The following LPP variants were observed in gnomAD, a reference collection of about 807,000 sequenced individuals.
LPP encodes lipoma-preferred partner.
In LPP, 38 loss-of-function variants were observed where a neutral mutation model predicts 60.4. The observed-to-expected ratio is 0.63, with a 90% CI of 0.49 to 0.83. The LOEUF (loss-of-function observed/expected upper bound fraction) is 0.83. Ranked by LOEUF, LPP falls within the 40% of genes least tolerant of loss-of-function variation. The probability of loss-of-function intolerance (pLI) is 0.00; values close to 1 mark genes in which losing one functional copy is unlikely to be tolerated. For missense variants in LPP, 902 were observed against 783.6 expected (o/e 1.15, Z -1.80); for synonymous variants, 328 against 290.8 (o/e 1.13, Z -1.30).
At chr3:188,176,737 T>G (rs1044834378) in intron 1 of LPP, among the ~76,000 whole-genome samples, 1 of 152,212 alleles carries the variant, frequency 6.6e-6, no homozygotes, top group Non-Finnish European at 1.5e-5. Flanking sequence ...CTCCTAGGAC[T>G]GCAAGAAGTC....
intron 6 of LPP, among the ~76,000 whole-genome samples, chr3:188,541,232 G>T (rs557171717): frequency 6.6e-6 from 1 of 152,212 alleles, no homozygotes; most frequent in African/African-American, 2.4e-5. Flanking sequence ...TGGAGGGCTT[G>T]TTAAATGCCA....
At chr3:188,715,091 A>G (rs1420428160) in intron 8 of LPP, among the ~76,000 whole-genome samples, 3 of 152,136 alleles carry the variant, frequency 2.0e-5, no homozygotes, top group Non-Finnish European at 2.9e-5. Context: ...AGTGATAGAT[A>G]CTTAAAAAGA....
chr3:188,330,196 A>G (rs571424754), intron 2 of LPP, among the ~76,000 whole-genome samples: 2 of 152,360 alleles, frequency 1.3e-5, no homozygotes, highest in East Asian at 3.9e-4. Flanking sequence ...GAATGCTGAG[A>G]AAGTCAATAG....
Position 188,640,256 on chromosome 3 carries a change from G to C in LPP, c.1113+30412G>C, listed in dbSNP as rs1475552921. Among the ~76,000 whole-genome samples the C allele has an allele frequency of 3.3e-5, 5 of 150,764 alleles. No individual in the cohort carries two copies. The East Asian group carries it at 9.8e-4, about 29-fold the overall frequency. On this transcript the variant is annotated intron_variant, in intron 7 of 11. Transcript: ENST00000617246. ...AATTGGAAATCATCATTCTCAGTAAGCTATCGCAAGAACAAAAAACCAAAC... is the reference window on the plus strand; with the variant it reads ...AATTGGAAATCATCATTCTCAGTAACCTATCGCAAGAACAAAAAACCAAAC...
chr3:188,322,052 G>T (rs1383117709), intron 2 of LPP, among the ~76,000 whole-genome samples: 1 of 152,142 alleles, frequency 6.6e-6, no homozygotes, highest in Non-Finnish European at 1.5e-5. Context: ...AGGTAAAGGG[G>T]GACAGAAAAG....
At chr3:188,809,357 CT>C (rs1201301040) in intron 9 of LPP, among the ~76,000 whole-genome samples, 2 of 152,094 alleles carry the variant, frequency 1.3e-5, no homozygotes, top group Non-Finnish European at 2.9e-5. Flanking sequence ...TGTTTCTTGA[CT>C]TTTTAATAAT....
chr3:188,566,995 T>G (rs188794918), intron 6 of LPP, among the ~76,000 whole-genome samples: 3 of 152,020 alleles, frequency 2.0e-5, no homozygotes, highest in East Asian at 1.9e-4. Flanking sequence ...GCAAAGAGGA[T>G]GCAAATTATA....
At chr3:188,751,022 C>T (rs1379021824) in intron 8 of LPP, among the ~76,000 whole-genome samples, 1 of 152,096 alleles carries the variant, frequency 6.6e-6, no homozygotes, top group African/African-American at 2.4e-5. Context: ...TGCTTTGCTG[C>T]CTCCAAATAT....
chr3:188,781,508 A>G (rs563867951), intron 9 of LPP, among the ~76,000 whole-genome samples: 1 of 152,174 alleles, frequency 6.6e-6, no homozygotes, highest in African/African-American at 2.4e-5. Context: ...GGAAACTTAC[A>G]ATCATGGTGG....
At chr3:188,760,351 A>G (rs1731773467) in intron 9 of LPP, 69 bp downstream of exon 9, 8 of 1,520,002 alleles carry the variant, frequency 5.3e-6, no homozygotes, top group Non-Finnish European at 5.5e-6. Flanking sequence ...CAGTCACTCT[A>G]GATAGAATAT....
chr3:188,624,779 T>TTTCCTTCC (rs10662278), intron 7 of LPP, among the ~76,000 whole-genome samples: 16,767 of 60,998 alleles, frequency 0.27, 2,436 homozygotes, highest in South Asian at 0.33. Context: ...CTTCCTTCCT[T>TTTCCTTCC]TTCCTTCCTT....
At chr3:188,619,866 T>TATCAAA (rs1410789756) in intron 7 of LPP, among the ~76,000 whole-genome samples, 1 of 152,304 alleles carries the variant, frequency 6.6e-6, no homozygotes, top group East Asian at 1.9e-4. Flanking sequence ...AAGAACAGAA[T>TATCAAA]ATCAAAATCA....
intron 2 of LPP, among the ~76,000 whole-genome samples, chr3:188,322,898 A>G (rs1757356357): frequency 6.6e-6 from 1 of 152,200 alleles, no homozygotes; most frequent in African/African-American, 2.4e-5. Flanking sequence ...AAAACACTAA[A>G]TGAATTGGTT....
At position 188,878,759 on chromosome 3, in the gene LPP, T is replaced by TAAAAAAAAAAAAAAAAGAAAA. The variant is rs1769554077; in HGVS notation, c.*4300_*4301insAAAAAAAAAAAAAAAAAGAAA. ...ATATACTCACCAAAAAGTAAAAAAG[T>TAAAAAAAAAAAAAAAAGAAAA]AAAAAAAAAAAAAAAAGAAAGAAAG... On this transcript the variant is annotated 3_prime_UTR_variant, in exon 12 of 12. Coordinates refer to ENST00000617246, the MANE Select transcript of LPP (RefSeq NM_001375462.1). 6.5e-6 allele frequency: 1 copy of TAAAAAAAAAAAAAAAAGAAAA among 153,952 alleles called. No homozygotes were observed. Among genetic ancestry groups the TAAAAAAAAAAAAAAAAGAAAA allele is most frequent in the Non-Finnish European group, 1.3e-5 (1 of 76,416 alleles). 9.5% of individuals were successfully genotyped at this position (153,952 alleles called of 1,614,324 possible).
intron 2 of LPP, among the ~76,000 whole-genome samples, chr3:188,263,391 TTCTC>T: frequency 6.6e-6 from 1 of 152,318 alleles, no homozygotes. Context: ...CCCTATTATT[TTCTC>T]TCTCAAAACC....
chr3:188,460,700 T>C (rs918059829), intron 4 of LPP, among the ~76,000 whole-genome samples: 1 of 152,170 alleles, frequency 6.6e-6, no homozygotes, highest in African/African-American at 2.4e-5. Flanking sequence ...CATGGCAAAG[T>C]GTGGAAAACA....
At chr3:188,653,238 C>CT (rs1327019988) in intron 7 of LPP, among the ~76,000 whole-genome samples, 1 of 152,228 alleles carries the variant, frequency 6.6e-6, no homozygotes, top group African/African-American at 2.4e-5. Context: ...CAAGCATCAT[C>CT]TACTGAAAGG....
intron 9 of LPP, among the ~76,000 whole-genome samples, chr3:188,849,863 C>T (rs1253189375): frequency 1.3e-5 from 2 of 152,146 alleles, no homozygotes; most frequent in Admixed American, 1.3e-4. Context: ...TCCTTAGGTT[C>T]CCTCCAACCT....
At chr3:188,279,055 T>C (rs1338211382) in intron 2 of LPP, among the ~76,000 whole-genome samples, 12 of 152,208 alleles carry the variant, frequency 7.9e-5, no homozygotes, top group Non-Finnish European at 1.3e-4. Context: ...TCATCAGATA[T>C]TTTTGGATCT....
Sources: allele counts gnomAD v4.1 joint callset (sites outside exome capture counted in the v4.1 genomes callset), GRCh38; gene constraint gnomAD v4.1.1; transcripts MANE v1.5; gene names NCBI Gene and HGNC (gene_info 2026-07-23, HGNC 2026-07-21).